The following KITLG variants were observed in gnomAD, a reference collection of about 807,000 sequenced individuals.
KITLG encodes c-Kit ligand.
Under a neutral mutation model 34.1 loss-of-function variants are expected in KITLG, and 13 were observed. That is an observed-to-expected ratio of 0.38 (90% CI 0.25 to 0.61). The LOEUF is 0.61. Ranked by LOEUF, KITLG falls within the 20% of genes least tolerant of loss-of-function variation. The pLI, the probability that KITLG is intolerant of heterozygous loss-of-function variation, is 0.60. For synonymous variants in KITLG, 110 were observed against 104.0 expected, an observed-to-expected ratio of 1.06 and a Z score of -0.35; for missense variants, 292 against 318.9, an observed-to-expected ratio of 0.92 and a Z score of 0.64.
chr12:88,543,887 G>A (rs1355504293), intron 2 of KITLG, among the ~76,000 whole-genome samples: 1 of 152,076 alleles, frequency 6.6e-6, no homozygotes, highest in African/African-American at 2.4e-5. Flanking sequence ...CTAAGATCAT[G>A]TGCATGTTTG....
At chr12:88,515,470 A>G (rs1447141116) in intron 6 of KITLG, 64 bp downstream of exon 6, 5 of 985,542 alleles carry the variant, frequency 5.1e-6, no homozygotes, top group Non-Finnish European at 8.2e-6. Context: ...TTGAAAGCCC[A>G]TGCAATACTC....
At chr12:88,576,907 C>G (rs989009268) in intron 1 of KITLG, among the ~76,000 whole-genome samples, 2 of 151,772 alleles carry the variant, frequency 1.3e-5, no homozygotes, top group African/African-American at 4.8e-5. Flanking sequence ...AAAATGTGAC[C>G]CAGAATTTGC....
At chr12:88,578,031 A>C (rs1173654584) in intron 1 of KITLG, among the ~76,000 whole-genome samples, 1 of 152,230 alleles carries the variant, frequency 6.6e-6, no homozygotes, top group African/African-American at 2.4e-5. Context: ...GGTGAGGATA[A>C]CATTAGAATC....
intron 1 of KITLG, among the ~76,000 whole-genome samples, chr12:88,558,838 A>C (rs115911782): frequency 0.027 from 4,131 of 152,290 alleles, 185 homozygotes; most frequent in African/African-American, 0.094. Context: ...TTGTTAAAGA[A>C]AACAAACAAA....
At position 88,493,970 on chromosome 12, in the gene KITLG, C is replaced by G. The variant is rs1380283126; in HGVS notation, c.*3249G>C. ...AAGAACAGCAATGACTTTTTATGGT[C>G]AAGATACTTATTCACAGAATCCAGA... On this transcript the variant is annotated 3_prime_UTR_variant, in exon 10 of 10. Coordinates refer to ENST00000644744, the MANE Select transcript of KITLG (RefSeq NM_000899.5). The G allele has an allele frequency of 1.3e-5, 2 of 151,874 alleles. No homozygotes were observed. The highest frequency in any genetic ancestry group is 2.9e-5 in the Non-Finnish European group (2 of 67,850). The allele number at this position is 151,874 out of a possible 1,614,324, so 9.4% of individuals were successfully genotyped here.
chr12:88,543,117 T>C (rs1232276964), intron 2 of KITLG, among the ~76,000 whole-genome samples: 1 of 152,066 alleles, frequency 6.6e-6, no homozygotes, highest in Non-Finnish European at 1.5e-5. Flanking sequence ...GTAATTTTTA[T>C]TATTATTATT....
At chr12:88,559,657 A>G (rs1433744728) in intron 1 of KITLG, among the ~76,000 whole-genome samples, 1 of 152,236 alleles carries the variant, frequency 6.6e-6, no homozygotes, top group Non-Finnish European at 1.5e-5. Context: ...AAGGGTGGTC[A>G]AAATTTTCCT....
At chr12:88,530,316 G>C (rs978871973) in intron 3 of KITLG, among the ~76,000 whole-genome samples, 2 of 152,070 alleles carry the variant, frequency 1.3e-5, no homozygotes, top group African/African-American at 4.8e-5. Context: ...ACTCTGTCAC[G>C]TTCTAATTGT....
At chr12:88,514,743 G>T (rs1332350763) in intron 6 of KITLG, among the ~76,000 whole-genome samples, 1 of 151,596 alleles carries the variant, frequency 6.6e-6, no homozygotes, top group Non-Finnish European at 1.5e-5. Flanking sequence ...AAGCTATTAT[G>T]AATTAGTAAT....
chr12:88,529,271 G>A (rs929057368), intron 3 of KITLG, among the ~76,000 whole-genome samples: 1 of 152,144 alleles, frequency 6.6e-6, no homozygotes, highest in African/African-American at 2.4e-5. Flanking sequence ...ATTCAGCAAT[G>A]CCATTTTTAT....
intron 2 of KITLG, among the ~76,000 whole-genome samples, chr12:88,533,798 G>A (rs142278882): frequency 9.0e-4 from 137 of 152,004 alleles, no homozygotes; most frequent in African/African-American, 3.0e-3. Context: ...ATTCTGCTTG[G>A]TCTTGTCAAT....
intron 1 of KITLG, among the ~76,000 whole-genome samples, chr12:88,554,856 C>T (rs1404871483): frequency 6.6e-6 from 1 of 152,096 alleles, no homozygotes; most frequent in East Asian, 1.9e-4. Context: ...ACAACTGAAA[C>T]ATTTAGTAGA....
chr12:88,519,754 C>T (rs759186198), intron 3 of KITLG, among the ~76,000 whole-genome samples: 15 of 152,174 alleles, frequency 9.9e-5, no homozygotes, highest in Non-Finnish European at 1.2e-4. Context: ...TCCCAAGTAG[C>T]TGGCACTACA....
intron 3 of KITLG, among the ~76,000 whole-genome samples, chr12:88,523,755 G>A (rs1011502052): frequency 2.6e-5 from 4 of 152,118 alleles, no homozygotes; most frequent in East Asian, 1.9e-4. Context: ...TGTAGTCTCC[G>A]AAATCTTAAC....
At chr12:88,526,306 C>T (rs1330767292) in intron 3 of KITLG, among the ~76,000 whole-genome samples, 2 of 152,080 alleles carry the variant, frequency 1.3e-5, no homozygotes, top group East Asian at 3.9e-4. Flanking sequence ...TAAAATATTT[C>T]AAAAAATTCA....
At chr12:88,529,270 T>A (rs967922855) in intron 3 of KITLG, among the ~76,000 whole-genome samples, 6 of 152,208 alleles carry the variant, frequency 3.9e-5, no homozygotes, top group Non-Finnish European at 7.3e-5. Flanking sequence ...AATTCAGCAA[T>A]GCCATTTTTA....
At chr12:88,505,286 AG>A (rs754001431) in intron 8 of KITLG, 51 bp from the exon 9 acceptor site, 5 of 1,413,368 alleles carry the variant, frequency 3.5e-6, no homozygotes, top group Non-Finnish European at 5.0e-6. Context: ...AGAGATTCTG[AG>A]GTACACCATG....
chr12:88,551,491 C>T (rs1870912867), intron 1 of KITLG, among the ~76,000 whole-genome samples: 1 of 152,194 alleles, frequency 6.6e-6, no homozygotes, highest in African/African-American at 2.4e-5. Flanking sequence ...AAAAGGAAGA[C>T]TTTCAAAGTA....
intron 2 of KITLG, among the ~76,000 whole-genome samples, chr12:88,539,933 A>C (rs1870464234): frequency 6.6e-6 from 1 of 152,100 alleles, no homozygotes; most frequent in Non-Finnish European, 1.5e-5. Flanking sequence ...AAAAAAATTA[A>C]GATGACAACT....
Sources: gnomAD v4.1 joint callset for allele counts (sites outside exome capture counted in the v4.1 genomes callset) on GRCh38, gnomAD v4.1.1 for gene constraint, MANE v1.5 for transcripts, NCBI Gene and HGNC (gene_info 2026-07-23, HGNC 2026-07-21) for gene names.